DTNB: variants seen among roughly 807,000 people sequenced by gnomAD.
DTNB encodes the protein DTN-B.
In DTNB, 63 loss-of-function variants were observed where a neutral mutation model predicts 90.7. The ratio of observed to expected loss-of-function variants is 0.69; its 90% CI spans 0.57 to 0.86. The LOEUF (loss-of-function observed/expected upper bound fraction) is 0.86, where lower values mean the gene tolerates loss of function less well. DTNB is among the 40% of genes least tolerant of loss of function. The probability of loss-of-function intolerance (pLI) is 0.00; values close to 1 mark genes in which losing one functional copy is unlikely to be tolerated. For synonymous variants in DTNB, 277 were observed against 286.7 expected (o/e 0.97, Z 0.34); for missense variants, 744 against 807.1 (o/e 0.92, Z 0.95).
At chr2:25,574,164 A>C (rs1160706629) in intron 8 of DTNB, among the ~76,000 whole-genome samples, 1 of 152,252 alleles carries the variant, frequency 6.6e-6, no homozygotes, top group East Asian at 1.9e-4. Context: ...GAATAGGAAA[A>C]AAGTAATGCT....
At chr2:25,644,577 AC>A in intron 2 of DTNB, among the ~76,000 whole-genome samples, 1 of 151,920 alleles carries the variant, frequency 6.6e-6, no homozygotes, top group East Asian at 1.9e-4. Context: ...ACATGGTGAA[AC>A]CCTATCCCTA....
intron 8 of DTNB, among the ~76,000 whole-genome samples, chr2:25,567,269 T>TG (rs1354500939): frequency 2.6e-5 from 4 of 152,212 alleles, no homozygotes; most frequent in African/African-American, 9.7e-5. Context: ...CTTTTTCCCA[T>TG]GAATACATAT....
intron 4 of DTNB, among the ~76,000 whole-genome samples, chr2:25,623,039 A>G (rs1039023452): frequency 1.3e-5 from 2 of 152,234 alleles, no homozygotes; most frequent in African/African-American, 4.8e-5. Flanking sequence ...AAATTAAACC[A>G]TATGTGAGGA....
chr2:25,607,223 T>G lies in DTNB; in HGVS notation c.448+13A>C. On this transcript the variant is annotated intron_variant, in intron 5 of 20. Transcript: ENST00000406818. ...TGAAAATGGCATTTTTCAAATAATA[T>G]GAAAATACTTACATCTCAATTTGTC... The G allele has an allele frequency of 1.9e-6, 3 of 1,579,438 alleles. No individual in the cohort carries two copies. Among genetic ancestry groups the G allele is most frequent in the Non-Finnish European group, 2.6e-6 (3 of 1,161,750 alleles).
chr2:25,387,361 G>A lies in DTNB; in HGVS notation c.1753C>T (p.Arg585Cys), dbSNP rs753010434. The A allele has an allele frequency of 2.0e-5, 32 of 1,612,416 alleles. No individual in the cohort carries two copies. Among genetic ancestry groups the A allele is most frequent in the East Asian group, 6.7e-5 (3 of 44,878 alleles). ...TCAGCTGCCACCAGCAGGTCATTGCGGAGGTTTCTCCTCGTACCTGAGGAG... is the reference window on the plus strand; with the variant it reads ...TCAGCTGCCACCAGCAGGTCATTGCAGAGGTTTCTCCTCGTACCTGAGGAG... ...AFAQGTRRNLRNDLLVAADSI... is the reference protein window; with the variant it reads ...AFAQGTRRNLCNDLLVAADSI... Residue 585 changes from arginine (R) to cysteine (C), a missense_variant, in exon 18 of 21, where the codon CGC (arginine) becomes TGC (cysteine). Physicochemically the swap from Arg to Cys is radical, Grantham distance 180. Transcript: ENST00000406818. The surrounding 1 kb of genome is among the most constrained non-coding windows in gnomAD (Gnocchi z 4.5).
intron 16 of DTNB, among the ~76,000 whole-genome samples, chr2:25,412,162 C>T (rs1481312395): frequency 1.3e-5 from 2 of 152,142 alleles, no homozygotes; most frequent in African/African-American, 2.4e-5. Flanking sequence ...CCTTGTGGGT[C>T]GACCATTGCT....
Position 25,531,480 on chromosome 2 carries a change from G to C in DTNB, c.994C>G (p.His332Asp). 1.2e-6 allele frequency: 2 copies of C among 1,613,852 alleles called. No individual in the cohort carries two copies. Among genetic ancestry groups the C allele is most frequent in the Non-Finnish European group, 1.7e-6 (2 of 1,179,858 alleles). The change falls in exon 9 of 21, where the codon CAT (histidine) becomes GAT (aspartate). Residue 332 changes from histidine (H) to aspartate (D), a missense_variant. Physicochemically the swap from His to Asp is moderately conservative, Grantham distance 81. Coordinates refer to ENST00000406818, the MANE Select transcript of DTNB (RefSeq NM_021907.5). ...ATCCAGGGGTATACTTACACTATAT[G>C]TGCAAGGTCAAGTGGTTTCTCTGGT... ...EQPEKPLDLA[H>D]IVPPRPLTNM...
In DTNB at chr2:25,561,571, G is replaced by A. The variant is rs534689234; in HGVS notation, c.876+15267C>T. Among the ~76,000 whole-genome samples the A allele has an allele frequency of 7.9e-5, 12 of 152,328 alleles. No homozygotes were observed. In the South Asian group the frequency reaches 1.0e-3, roughly 13 times the overall value. On this transcript the variant is annotated intron_variant, in intron 8 of 20. Transcript: ENST00000406818. ...CAGTGTTAGAGGTGGGGCGTGGTGG[G>A]AGGTGACTGCATTATGGGGGCGGAT... is the stretch of plus-strand genomic sequence containing the variant.
At chr2:25,392,206 C>T (rs559252787) in intron 16 of DTNB, among the ~76,000 whole-genome samples, 4 of 152,182 alleles carry the variant, frequency 2.6e-5, no homozygotes, top group East Asian at 1.9e-4. Flanking sequence ...GTCAGGAGTT[C>T]GAGACCAGCC....
chr2:25,668,707 T>C (rs1034838505), intron 1 of DTNB, among the ~76,000 whole-genome samples: 1 of 151,654 alleles, frequency 6.6e-6, no homozygotes, highest in African/African-American at 2.4e-5. Flanking sequence ...TTGGTCAAAA[T>C]TGTGTTAATC....
chr2:25,567,587 C>G (rs1174267392), intron 8 of DTNB, among the ~76,000 whole-genome samples: 1 of 152,158 alleles, frequency 6.6e-6, no homozygotes, highest in African/African-American at 2.4e-5. Context: ...TAACTTTGTT[C>G]AGAGGTGGAC....
chr2:25,540,869 T>G (rs990857067), intron 8 of DTNB, among the ~76,000 whole-genome samples: 6 of 151,834 alleles, frequency 4.0e-5, no homozygotes, highest in Non-Finnish European at 7.4e-5. Flanking sequence ...TCATCACCAC[T>G]CCCTAATCTC....
chr2:25,660,518 G>A (rs1018532255), intron 1 of DTNB, among the ~76,000 whole-genome samples: 12 of 152,114 alleles, frequency 7.9e-5, no homozygotes, highest in Non-Finnish European at 5.9e-5. Flanking sequence ...TAATAGTGAT[G>A]GTTGCACAAC....
intron 9 of DTNB, among the ~76,000 whole-genome samples, chr2:25,515,134 C>G (rs1347956999): frequency 6.6e-6 from 1 of 151,530 alleles, no homozygotes; most frequent in Non-Finnish European, 1.5e-5. Flanking sequence ...GGACTCAATG[C>G]AAACACAGAA....
intron 9 of DTNB, among the ~76,000 whole-genome samples, chr2:25,518,970 G>C (rs2075656236): frequency 6.6e-6 from 1 of 152,126 alleles, no homozygotes; most frequent in South Asian, 2.1e-4. Flanking sequence ...AGAACAAAAA[G>C]CAACTCTTCT....
intron 11 of DTNB, among the ~76,000 whole-genome samples, chr2:25,452,377 T>A (rs1358586030): frequency 6.6e-6 from 1 of 152,204 alleles, no homozygotes; most frequent in Admixed American, 6.5e-5. Flanking sequence ...ATACATGACT[T>A]CTTTAGTATA....
chr2:25,510,824 A>G (rs2073785654), intron 9 of DTNB, among the ~76,000 whole-genome samples: 1 of 152,182 alleles, frequency 6.6e-6, no homozygotes, highest in Non-Finnish European at 1.5e-5. Context: ...CCTTTCTACA[A>G]AGAGAATTTA....
intron 8 of DTNB, among the ~76,000 whole-genome samples, chr2:25,550,300 A>G (rs1445196398): frequency 2.6e-5 from 4 of 152,114 alleles, no homozygotes; most frequent in Non-Finnish European, 5.9e-5. Flanking sequence ...CTGAGGCAAG[A>G]GAATGGCGTG....
At chr2:25,532,247 A>G (rs2078368599) in intron 8 of DTNB, among the ~76,000 whole-genome samples, 1 of 74,772 alleles carries the variant, frequency 1.3e-5, no homozygotes, top group South Asian at 3.5e-4. Flanking sequence ...CTCTGTCTCA[A>G]AAAAAAAAAA....
Sources: allele counts gnomAD v4.1 joint callset (sites outside exome capture counted in the v4.1 genomes callset), GRCh38; gene constraint gnomAD v4.1.1; non-coding constraint Gnocchi (gnomAD v3.1); transcripts MANE v1.5; gene names NCBI Gene and HGNC (gene_info 2026-07-23, HGNC 2026-07-21).